HNRNPC: variants seen among roughly 807,000 people sequenced by gnomAD.
The protein encoded by HNRNPC is heterogeneous nuclear ribonucleoprotein C.
HNRNPC carries 3 observed loss-of-function variants against 33.2 expected under a neutral mutation model. That is an observed-to-expected ratio of 0.09 (90% CI 0.04 to 0.23). The LOEUF is 0.23. HNRNPC is among the 10% of genes least tolerant of loss of function. The probability of loss-of-function intolerance (pLI) is 1.00; values close to 1 mark genes in which losing one functional copy is unlikely to be tolerated. For missense variants in HNRNPC, 143 were observed against 366.7 expected (o/e 0.39, Z 4.98); for synonymous variants, 121 against 126.7 (o/e 0.96, Z 0.30).
At chr14:21,213,762 T>C (rs1386694836) in intron 5 of HNRNPC, among the ~76,000 whole-genome samples, 1 of 152,182 alleles carries the variant, frequency 6.6e-6, no homozygotes, top group Non-Finnish European at 1.5e-5. Flanking sequence ...AAACAGGTAG[T>C]ATCATTTCTA....
intron 5 of HNRNPC, among the ~76,000 whole-genome samples, chr14:21,228,754 T>G (rs768804198): frequency 5.9e-5 from 9 of 151,986 alleles, no homozygotes; most frequent in Non-Finnish European, 1.2e-4. Context: ...ATTACAGAAC[T>G]CCTTAGTTTT....
At chr14:21,213,185 T>G (rs1891803846) in intron 5 of HNRNPC, 68 bp from the exon 6 acceptor site, 5 of 1,453,102 alleles carry the variant, frequency 3.4e-6, no homozygotes, top group East Asian at 2.3e-5. Flanking sequence ...CAACAGACCT[T>G]ATGATAAATA....
intron 1 of HNRNPC, chr14:21,268,765 T>G (rs1422519935): frequency 6.6e-6 from 1 of 152,220 alleles, no homozygotes; most frequent in Non-Finnish European, 1.5e-5. Flanking sequence ...AGCTCCATCA[T>G]TTGCTCATAG....
At chr14:21,250,441 A>C (rs966435908) in intron 2 of HNRNPC, among the ~76,000 whole-genome samples, 1 of 152,236 alleles carries the variant, frequency 6.6e-6, no homozygotes, top group Admixed American at 6.5e-5. Context: ...GAAAAAAATT[A>C]TAACTATGAC....
intron 5 of HNRNPC, among the ~76,000 whole-genome samples, chr14:21,216,826 A>T (rs947277895): frequency 7.9e-5 from 12 of 152,208 alleles, no homozygotes; most frequent in Admixed American, 6.5e-4. Flanking sequence ...CTATGTAGAT[A>T]AAAAAACTGA....
chr14:21,252,993 G>A (rs1302422543), intron 2 of HNRNPC, among the ~76,000 whole-genome samples: 1 of 151,968 alleles, frequency 6.6e-6, no homozygotes, highest in Non-Finnish European at 1.5e-5. Context: ...GGCCAACATG[G>A]TGAAACCCCA....
chr14:21,243,919 T>C (rs1362065836), intron 2 of HNRNPC, among the ~76,000 whole-genome samples: 1 of 152,190 alleles, frequency 6.6e-6, no homozygotes, highest in African/African-American at 2.4e-5. Flanking sequence ...TATATACCTG[T>C]AGCTACATAA....
intron 1 of HNRNPC, among the ~76,000 whole-genome samples, chr14:21,266,949 G>C (rs1455605880): frequency 6.6e-6 from 1 of 151,446 alleles, no homozygotes; most frequent in Non-Finnish European, 1.5e-5. Context: ...AAATTAGCCC[G>C]GTGCGGTGGC....
chr14:21,267,181 A>C (rs1276986308), intron 1 of HNRNPC, among the ~76,000 whole-genome samples: 1 of 152,108 alleles, frequency 6.6e-6, no homozygotes, highest in African/African-American at 2.4e-5. Flanking sequence ...TTCTGGCAAC[A>C]AAAAATTTGA....
chr14:21,225,452 CAGAG>C (rs902261128), intron 5 of HNRNPC, among the ~76,000 whole-genome samples: 5 of 147,592 alleles, frequency 3.4e-5, no homozygotes, highest in Non-Finnish European at 7.6e-5. Context: ...AAAAAAAAAA[CAGAG>C]AGAGATGAGA....
intron 2 of HNRNPC, among the ~76,000 whole-genome samples, chr14:21,241,537 T>C (rs922570331): frequency 2.0e-5 from 3 of 152,232 alleles, no homozygotes; most frequent in Non-Finnish European, 2.9e-5. Context: ...TTCCTCTGCA[T>C]ACTTGGATGA....
chr14:21,261,378 C>A (rs941613784), intron 2 of HNRNPC, among the ~76,000 whole-genome samples: 1 of 152,122 alleles, frequency 6.6e-6, no homozygotes, highest in Non-Finnish European at 1.5e-5. Context: ...AAAAATAGCT[C>A]TCATACAATA....
At chr14:21,218,699 A>C (rs1169159928) in intron 5 of HNRNPC, among the ~76,000 whole-genome samples, 1 of 149,516 alleles carries the variant, frequency 6.7e-6, no homozygotes. Context: ...AAAAAAAAAA[A>C]AAAAAAAAAC....
chr14:21,260,949 C>T lies in HNRNPC; in HGVS notation c.-37+2362G>A, dbSNP rs113431302. On this transcript the variant is annotated intron_variant, in intron 2 of 8. Coordinates refer to ENST00000553300, the MANE Select transcript of HNRNPC (RefSeq NM_004500.4). ...CTGCACTCCAGCCTGGGAAACAGAG[C>T]GAGACTGTCTCAAAAAAAAAAAAAA... Among the ~76,000 whole-genome samples, 910 of 128,106 alleles carry T rather than the reference C, an allele frequency of 7.1e-3. 11 individuals are homozygous for T. Among genetic ancestry groups the T allele is most frequent in the African/African-American group, 0.024 (792 of 32,904 alleles). 84.0% of individuals were successfully genotyped at this position (128,106 alleles called of 152,430 possible). A position where few individuals can be genotyped will look rare whatever the true frequency, so the allele number is the denominator to read the frequency against.
At chr14:21,259,026 G>C (rs1043473119) in intron 2 of HNRNPC, among the ~76,000 whole-genome samples, 1 of 152,166 alleles carries the variant, frequency 6.6e-6, no homozygotes, top group South Asian at 2.1e-4. Context: ...TTGTGCCCAA[G>C]ACAGGATCTT....
chr14:21,242,501 C>T (rs1206954678), intron 2 of HNRNPC, among the ~76,000 whole-genome samples: 6 of 152,112 alleles, frequency 3.9e-5, no homozygotes, highest in African/African-American at 1.2e-4. Flanking sequence ...TGTTAAGACA[C>T]ATTATTTAAA....
chr14:21,261,815 A>G (rs1343719223), intron 2 of HNRNPC, among the ~76,000 whole-genome samples: 1 of 152,208 alleles, frequency 6.6e-6, no homozygotes, highest in East Asian at 1.9e-4. Context: ...GGTTATCAAA[A>G]CATTTTGCTG....
chr14:21,240,211 C>G (rs1895188555), intron 2 of HNRNPC, among the ~76,000 whole-genome samples: 1 of 152,126 alleles, frequency 6.6e-6, no homozygotes, highest in South Asian at 2.1e-4. Context: ...TTTGCCTCTA[C>G]TCGCACTCTC....
Position 21,217,117 on chromosome 14 carries a change from T to TA in HNRNPC, c.366-4001dup, listed in dbSNP as rs547885330. ...AAAATATTTCAGCCGGTGGGGCTTTTAGTTACAAAGAATGCTGCTCAGGCA... is the reference window on the plus strand; with the variant it reads ...AAAATATTTCAGCCGGTGGGGCTTTTAAGTTACAAAGAATGCTGCTCAGGCA... On this transcript the variant is annotated intron_variant, in intron 5 of 8. Coordinates refer to ENST00000553300, the MANE Select transcript of HNRNPC (RefSeq NM_004500.4). Among the ~76,000 whole-genome samples the TA allele has an allele frequency of 2.7e-3, 410 of 152,370 alleles. 2 individuals carry two copies. The highest frequency in any genetic ancestry group is 9.4e-3 in the African/African-American group (391 of 41,592).
Sources: allele counts gnomAD v4.1 joint callset (sites outside exome capture counted in the v4.1 genomes callset), GRCh38; gene constraint gnomAD v4.1.1; transcripts MANE v1.5; gene names NCBI Gene and HGNC (gene_info 2026-07-23, HGNC 2026-07-21).